The following CFAP61 variants were observed in gnomAD, a reference collection of about 807,000 sequenced individuals.
The protein encoded by CFAP61 is cilia and flagella associated protein 61.
A neutral mutation model predicts 135.6 loss-of-function variants in CFAP61; 107 were observed. The observed-to-expected ratio is 0.79, with a 90% CI of 0.67 to 0.93. The LOEUF (loss-of-function observed/expected upper bound fraction) is 0.93, where lower values mean the gene tolerates loss of function less well. Ranked by LOEUF, CFAP61 falls within the 40% of genes least tolerant of loss-of-function variation. The pLI, the probability that CFAP61 is intolerant of heterozygous loss-of-function variation, is 0.00. For synonymous variants in CFAP61, 575 were observed against 578.5 expected, an observed-to-expected ratio of 0.99 and a Z score of 0.09; for missense variants, 1,507 against 1,556.2, an observed-to-expected ratio of 0.97 and a Z score of 0.53.
At chr20:20,319,960 GTC>G (rs1440655256) in intron 25 of CFAP61, among the ~76,000 whole-genome samples, 8 of 152,078 alleles carry the variant, frequency 5.3e-5, no homozygotes, top group Admixed American at 5.2e-4. Flanking sequence ...TTGAACCTGA[GTC>G]TGACTAGGAC....
chr20:20,307,412 G>GT (rs2056541554), intron 25 of CFAP61, among the ~76,000 whole-genome samples: 1 of 152,126 alleles, frequency 6.6e-6, no homozygotes, highest in African/African-American at 2.4e-5. Context: ...AGTGCAAAAA[G>GT]TTTTTTAAAA....
chr20:20,057,529 G>A (rs546918269), intron 2 of CFAP61, among the ~76,000 whole-genome samples: 4 of 152,312 alleles, frequency 2.6e-5, no homozygotes, highest in South Asian at 2.1e-4. Context: ...GGAGGCTGGC[G>A]CAGGGTCAAA....
At chr20:20,173,738 A>T (rs762936768) in intron 13 of CFAP61, among the ~76,000 whole-genome samples, 6 of 152,102 alleles carry the variant, frequency 3.9e-5, no homozygotes, top group Admixed American at 6.6e-5. Context: ...AATGTACTTT[A>T]TACTCCGCAT....
chr20:20,187,020 C>A (rs1601270421), intron 13 of CFAP61, among the ~76,000 whole-genome samples: 1 of 152,200 alleles, frequency 6.6e-6, no homozygotes, highest in East Asian at 1.9e-4. Context: ...TAAGGGCTTG[C>A]AACCTCTGCA....
intron 8 of CFAP61, among the ~76,000 whole-genome samples, chr20:20,130,284 GT>G (rs1300236754): frequency 6.7e-6 from 1 of 149,740 alleles, no homozygotes; most frequent in Non-Finnish European, 1.5e-5. Context: ...GCGAGACTCT[GT>G]CTCAGAAATA....
At chr20:20,333,472 G>A (rs1191522806) in intron 25 of CFAP61, among the ~76,000 whole-genome samples, 1 of 152,192 alleles carries the variant, frequency 6.6e-6, no homozygotes, top group Non-Finnish European at 1.5e-5. Context: ...ACACGAATCT[G>A]AGCTGAGATG....
chr20:20,336,765 C>T (rs2122338107), intron 25 of CFAP61, among the ~76,000 whole-genome samples: 1 of 152,282 alleles, frequency 6.6e-6, no homozygotes, highest in African/African-American at 2.4e-5. Flanking sequence ...GCAGAGAGGA[C>T]AAAGAAGTGA....
At chr20:20,296,310 CCTTCCCTCCTTCCTTCCCTT>C (rs2055540783) in intron 24 of CFAP61, among the ~76,000 whole-genome samples, 1 of 61,524 alleles carries the variant, frequency 1.6e-5, no homozygotes, top group Non-Finnish European at 3.3e-5. Flanking sequence ...TTCCTTCCTT[CCTTCCCTCCTTCCTTCCCTT>C]CCTTCCTTCC....
intron 8 of CFAP61, among the ~76,000 whole-genome samples, chr20:20,140,043 A>G (rs2051246116): frequency 6.6e-6 from 1 of 151,596 alleles, no homozygotes; most frequent in Non-Finnish European, 1.5e-5. Context: ...AAAGTAATCA[A>G]TGATAGTAAA....
chr20:20,139,754 T>G (rs1478556908), intron 8 of CFAP61, among the ~76,000 whole-genome samples: 2 of 152,160 alleles, frequency 1.3e-5, no homozygotes, highest in Non-Finnish European at 2.9e-5. Flanking sequence ...AAGCAATTAG[T>G]CTTTGTAGTT....
chr20:20,210,107 C>T (rs775659141), intron 17 of CFAP61, among the ~76,000 whole-genome samples: 9 of 152,180 alleles, frequency 5.9e-5, no homozygotes, highest in Non-Finnish European at 1.2e-4. Flanking sequence ...GAAGTTCCCT[C>T]AGCCATCTCC....
At chr20:20,152,543 A>G (rs1183916948) in intron 9 of CFAP61, among the ~76,000 whole-genome samples, 3 of 152,198 alleles carry the variant, frequency 2.0e-5, no homozygotes, top group Non-Finnish European at 4.4e-5. Context: ...TTTCATGCAA[A>G]TGGAAACCAA....
intron 7 of CFAP61, among the ~76,000 whole-genome samples, chr20:20,097,332 C>T (rs113188910): frequency 2.0e-4 from 30 of 152,088 alleles, no homozygotes; most frequent in African/African-American, 7.2e-4. Flanking sequence ...CTAATAAGAG[C>T]TATCAGAGTC....
At chr20:20,171,570 G>A (rs574011520) in intron 13 of CFAP61, among the ~76,000 whole-genome samples, 11 of 152,152 alleles carry the variant, frequency 7.2e-5, no homozygotes, top group South Asian at 2.1e-4. Context: ...AGATATTTTC[G>A]TTCATGTTTT....
At chr20:20,265,648 T>G (rs1342912384) in intron 21 of CFAP61, 1 of 642,282 alleles carries the variant, frequency 1.6e-6, no homozygotes, top group Non-Finnish European at 2.8e-6. Flanking sequence ...GGTCTGGTGC[T>G]TAATGACTCC....
At chr20:20,118,344 CTT>C (rs749767956) in intron 8 of CFAP61, among the ~76,000 whole-genome samples, 3 of 112,040 alleles carry the variant, frequency 2.7e-5, no homozygotes, top group Non-Finnish European at 5.7e-5. Context: ...CTTTCTTCTT[CTT>C]TTTTTTTTTT....
chr20:20,176,982 ATATT>A (rs1243397638), intron 13 of CFAP61, among the ~76,000 whole-genome samples: 1 of 151,970 alleles, frequency 6.6e-6, no homozygotes, highest in African/African-American at 2.4e-5. Flanking sequence ...ATTTTATTTT[ATATT>A]TATTTCTTTT....
intron 13 of CFAP61, among the ~76,000 whole-genome samples, chr20:20,181,176 C>CACAT: frequency 6.8e-6 from 1 of 146,954 alleles, no homozygotes. Flanking sequence ...TATATATACA[C>CACAT]ATATATATGC....
chr20:20,269,146 T>TACACACAC (rs1192884602), intron 21 of CFAP61, among the ~76,000 whole-genome samples: 10 of 85,610 alleles, frequency 1.2e-4, no homozygotes, highest in African/African-American at 2.0e-4. Flanking sequence ...TATATATATA[T>TACACACAC]ACACACACAC....
Sources: gnomAD v4.1 joint callset for allele counts (sites outside exome capture counted in the v4.1 genomes callset) on GRCh38, gnomAD v4.1.1 for gene constraint, MANE v1.5 for transcripts, NCBI Gene and HGNC (gene_info 2026-07-23, HGNC 2026-07-21) for gene names.